SLPI: variants seen among roughly 807,000 people sequenced by gnomAD.
SLPI encodes the protein secretory leukocyte peptidase inhibitor, also known as antileukoproteinase.
Under a neutral mutation model 14.3 loss-of-function variants are expected in SLPI, and 20 were observed. The ratio of observed to expected loss-of-function variants is 1.40; its 90% confidence interval spans 0.99 to 2.04. The LOEUF is 2.04. Among genes scored for constraint, SLPI ranks in the 30% most tolerant of loss-of-function variants. SLPI has a pLI of 0.00. For missense variants in SLPI, 169 were observed against 159.4 expected (o/e 1.06, Z -0.32); for synonymous variants, 68 against 54.8 (o/e 1.24, Z -1.07).
chr20:45,253,567 C>A lies in SLPI; in HGVS notation c.244+8G>T. On this transcript the variant is annotated splice_region_variant and intron_variant, in intron 2 of 3. Coordinates refer to ENST00000338380, the MANE Select transcript of SLPI (RefSeq NM_003064.4). ...ACTCCTCTCTACCCAGTTCCCCGAC[C>A]TGCTTACTTGGGTTTGGGGTGTCAA... 6.2e-7 allele frequency: 1 copy of A among 1,612,452 alleles called. No homozygotes were observed.
chr20:45,252,497 A>G, intron 3 of SLPI, 78 bp from the exon 4 acceptor site: 1 of 1,501,710 alleles, frequency 6.7e-7, no homozygotes, highest in Non-Finnish European at 9.2e-7. Flanking sequence ...CTGCCCAAGG[A>G]TCCTTCTGAG....
In SLPI at chr20:45,253,586, G is replaced by T; in HGVS notation, c.233C>A (p.Thr78Asn). ...CCCGACCTGCTTACTTGGGTTTGGGGTGTCAACAGGATCCAGGCATTTGAT... is the reference window on the plus strand; with the variant it reads ...CCCGACCTGCTTACTTGGGTTTGGGTTGTCAACAGGATCCAGGCATTTGAT... The part of the protein sequence containing the change: ...CGIKCLDPVD[T>N]PNPTRRKPGK... Residue 78 changes from threonine (T) to asparagine (N), a missense_variant, in exon 2 of 4, where the codon ACC (threonine) becomes AAC (asparagine). Physicochemically the swap from Thr to Asn is moderately conservative, Grantham distance 65. Coordinates refer to ENST00000338380, the MANE Select transcript of SLPI (RefSeq NM_003064.4). 2 of 1,613,820 alleles carry T rather than the reference G, an allele frequency of 1.2e-6. No individual in the cohort carries two copies. Among genetic ancestry groups the T allele is most frequent in the Non-Finnish European group, 1.7e-6 (2 of 1,179,830 alleles).
At position 45,253,126 on chromosome 20, in the gene SLPI, T is replaced by G. The variant is rs535099655; in HGVS notation, c.270A>C (p.Pro90=). The G allele has an allele frequency of 6.2e-6, 10 of 1,614,098 alleles. No individual in the cohort carries two copies. The Admixed American group carries it at 8.3e-5, about 13-fold the overall frequency. Reference sequence around the variant, plus strand: ...GCATCAAACATTGGCCATAAGTCACTGGGCACTTCCCAGGCTTCCTCCTTG... The same window carrying G: ...GCATCAAACATTGGCCATAAGTCACGGGGCACTTCCCAGGCTTCCTCCTTG... ...NPTRRKPGKC[P]VTYGQCLMLN... is the part of the protein sequence containing the mutation. The change falls in exon 3 of 4, where the codon CCA becomes CCC. Residue 90 remains proline (P), a synonymous_variant. Coordinates refer to ENST00000338380, the MANE Select transcript of SLPI (RefSeq NM_003064.4).
In SLPI at chr20:45,252,302, G is replaced by T; in HGVS notation, c.*113C>A. The stretch of plus-strand genomic sequence containing the variant: ...AACTGGCACTTCTTGAAAGCCTGCT[G>T]TGTGCCAAGCCTTTCCCCAAAGGAG... On this transcript the variant is annotated 3_prime_UTR_variant, in exon 4 of 4. Coordinates refer to ENST00000338380, the MANE Select transcript of SLPI (RefSeq NM_003064.4). 1.0e-6 allele frequency: 1 copy of T among 964,634 alleles called. No homozygotes were observed. Among genetic ancestry groups the T allele is most frequent in the South Asian group, 1.6e-5 (1 of 63,920 alleles). The allele number at this position is 964,634 out of a possible 1,614,324, so 59.8% of individuals were successfully genotyped here.
At position 45,253,496 on chromosome 20, in the gene SLPI, G is replaced by T. The variant is rs1984726136; in HGVS notation, c.244+79C>A. The stretch of plus-strand genomic sequence containing the variant: ...ACGGATTGACAAGGAGGCCTGGCAG[G>T]ACCCATCACCCAGTTCCATCCCTCT... On this transcript the variant is annotated intron_variant, in intron 2 of 3. Coordinates refer to ENST00000338380, the MANE Select transcript of SLPI (RefSeq NM_003064.4). 4 of 1,370,330 alleles carry T rather than the reference G, an allele frequency of 2.9e-6. No individual in the cohort carries two copies. In the East Asian group the frequency reaches 9.3e-5, roughly 32 times the overall value. The allele number at this position is 1,370,330 out of a possible 1,614,324, so 84.9% of individuals were successfully genotyped here. A position where few individuals can be genotyped will look rare whatever the true frequency, so the allele number is the denominator to read the frequency against.
rs764250120 is a variant in SLPI at position 45,254,527 on chromosome 20, A to G, written c.17T>C (p.Leu6Pro). 1 of 1,614,116 alleles carries G rather than the reference A, an allele frequency of 6.2e-7. No homozygotes were observed. The highest frequency in any genetic ancestry group is 8.5e-7 in the Non-Finnish European group (1 of 1,179,988). The stretch of plus-strand genomic sequence containing the variant: ...GGCAAGCAGCACCAGGAAGGGGAAG[A>G]GGCCGCTGGACTTCATGGTGAAGGC... MKSSG[L>P]FPFLVLLALG... The change falls in exon 1 of 4, where the codon CTC becomes CCC. Residue 6 changes from leucine (L) to proline (P), a missense_variant. Leu to Pro is a moderately conservative substitution (Grantham distance 98). Transcript: ENST00000338380.
rs755500389 is a variant in SLPI at position 45,252,258 on chromosome 20, G to A, written c.*157C>T. 563 of 624,356 alleles carry A rather than the reference G, an allele frequency of 9.0e-4. 1 individual carries two copies. Among genetic ancestry groups the A allele is most frequent in the Middle Eastern group, 1.7e-3 (5 of 2,888 alleles). The allele number at this position is 624,356 out of a possible 1,614,324, so 38.7% of individuals were successfully genotyped here. On this transcript the variant is annotated 3_prime_UTR_variant, in exon 4 of 4. Transcript: ENST00000338380. ...AGGATGTGCAAAGAGAAATAGGCTC[G>A]TTTATTTATTCATTGATCAACTGGC... is the stretch of plus-strand genomic sequence containing the variant.
At position 45,252,344 on chromosome 20, in the gene SLPI, CCAAGTCT is replaced by C; in HGVS notation, c.*64_*70del. 6.6e-7 allele frequency: 1 copy of C among 1,524,276 alleles called. No individual in the cohort carries two copies. The highest frequency in any genetic ancestry group is 9.0e-7 in the Non-Finnish European group (1 of 1,107,844). The allele number at this position is 1,524,276 out of a possible 1,614,324, so 94.4% of individuals were successfully genotyped here. On this transcript the variant is annotated 3_prime_UTR_variant, in exon 4 of 4. Coordinates refer to ENST00000338380, the MANE Select transcript of SLPI (RefSeq NM_003064.4). ...CCAAAGGAGGATATCAGTGGTGGAG[CCAAGTCT>C]CAGGGTGGAAAGGACCTGGACCACA...
chr20:45,254,209 GA>G, intron 1 of SLPI, among the ~76,000 whole-genome samples: 1 of 151,334 alleles, frequency 6.6e-6, no homozygotes. Flanking sequence ...GAGAGAGAGA[GA>G]GAGAGAGAGA....
Position 45,253,168 on chromosome 20 carries a change from C to CTA in SLPI, c.245-19_245-18dup. 1 of 1,612,494 alleles carries CTA rather than the reference C, an allele frequency of 6.2e-7. No individual in the cohort carries two copies. The highest frequency in any genetic ancestry group is 8.5e-7 in the Non-Finnish European group (1 of 1,179,158). ...TCCTCCTTGCTGGGTGAGAGTGAGG[C>CTA]TACCGGTCAGAGGCCTTGTACTTTA... On this transcript the variant is annotated splice_polypyrimidine_tract_variant and intron_variant, in intron 2 of 3. Transcript: ENST00000338380.
Position 45,253,667 on chromosome 20 carries a change from C to T in SLPI, c.152G>A (p.Cys51Tyr). ...AQCLRYKKPE[C>Y]QSDWQCPGKK... ...CCCTGGACACTGCCAGTCACTCTGG[C>T]ACTCAGGTTTCTTGTATCTAAGGCA... The change falls in exon 2 of 4, where the codon TGC (cysteine) becomes TAC (tyrosine). Residue 51 changes from cysteine to tyrosine, a missense_variant. By Grantham distance (194) the Cys-to-Tyr change is radical. Transcript: ENST00000338380. 1.2e-6 allele frequency: 2 copies of T among 1,614,142 alleles called. No individual in the cohort carries two copies. Among genetic ancestry groups the T allele is most frequent in the South Asian group, 1.1e-5 (1 of 91,086 alleles).
intron 1 of SLPI, among the ~76,000 whole-genome samples, 188 bp from the exon 2 acceptor site, chr20:45,253,921 AGGGGAC>A (rs1283485716): frequency 6.6e-6 from 1 of 152,164 alleles, no homozygotes; most frequent in East Asian, 1.9e-4. Flanking sequence ...ACAAATGGAC[AGGGGAC>A]GTTTCACACC....
Position 45,253,089 on chromosome 20 carries a change from TG to T in SLPI, c.306del (p.Asn103IlefsTer13), listed in dbSNP as rs745834619. On this transcript the variant is annotated frameshift_variant, in exon 3 of 4. Coordinates refer to ENST00000338380, the MANE Select transcript of SLPI (RefSeq NM_003064.4). LOFTEE classifies it high-confidence loss of function. ...CACTGGCCATCCATCTCACAGAAATTGGGGGGGTTAAGCATCAAACATTGGC... is the reference window on the plus strand; with the variant it reads ...CACTGGCCATCCATCTCACAGAAATTGGGGGGTTAAGCATCAAACATTGGC... The part of the protein sequence containing the change: ...TYGQCLMLNP[P>X]NFCEMDGQCK... 6.2e-6 allele frequency: 10 copies of T among 1,613,918 alleles called. No individual in the cohort carries two copies. Among genetic ancestry groups the T allele is most frequent in the Middle Eastern group, 1.6e-4 (1 of 6,082 alleles).
Position 45,253,122 on chromosome 20 carries a change from T to A in SLPI, c.274A>T (p.Thr92Ser). The A allele has an allele frequency of 6.2e-7, 1 of 1,614,094 alleles. No individual in the cohort carries two copies. The highest frequency in any genetic ancestry group is 1.1e-5 in the South Asian group (1 of 91,072). The change falls in exon 3 of 4, where the codon ACT (threonine) becomes TCT (serine). Residue 92 changes from threonine (T) to serine (S), a missense_variant. Physicochemically the swap from Thr to Ser is moderately conservative, Grantham distance 58 (BLOSUM62 1). Coordinates refer to ENST00000338380, the MANE Select transcript of SLPI (RefSeq NM_003064.4). ...TTAAGCATCAAACATTGGCCATAAGTCACTGGGCACTTCCCAGGCTTCCTC... is the reference window on the plus strand; with the variant it reads ...TTAAGCATCAAACATTGGCCATAAGACACTGGGCACTTCCCAGGCTTCCTC... ...TRRKPGKCPV[T>S]YGQCLMLNPP...
rs543914368 is a variant in SLPI, at chr20:45,253,846, C to T, written c.86-113G>A. ...GAGAGACCCTTACCTCAGTAGCTGT[C>T]CACAAAGCCCAAAGGGTCATGCCTG... On this transcript the variant is annotated intron_variant, in intron 1 of 3. Coordinates refer to ENST00000338380, the MANE Select transcript of SLPI (RefSeq NM_003064.4). 8 of 900,356 alleles carry T rather than the reference C, an allele frequency of 8.9e-6. No individual in the cohort carries two copies. In the South Asian group the frequency reaches 1.2e-4, roughly 13 times the overall value. The allele number at this position is 900,356 out of a possible 1,614,324, so 55.8% of individuals were successfully genotyped here. A position where few individuals can be genotyped will look rare whatever the true frequency, so the allele number is the denominator to read the frequency against.
intron 3 of SLPI, 86 bp from the exon 4 acceptor site, chr20:45,252,505 G>T: frequency 7.0e-7 from 1 of 1,431,078 alleles, no homozygotes; most frequent in Non-Finnish European, 9.8e-7. Flanking sequence ...GGATCCTTCT[G>T]AGATAGAGAA....
chr20:45,253,483 G>T, intron 2 of SLPI, 92 bp downstream of exon 2: 1 of 1,235,104 alleles, frequency 8.1e-7, no homozygotes, highest in Non-Finnish European at 1.1e-6. Flanking sequence ...GGATTGACAA[G>T]GAGGCCTGGC....
At position 45,253,138 on chromosome 20, in the gene SLPI, A is replaced by AG; in HGVS notation, c.257dup (p.Gly87TrpfsTer14). 1 of 1,613,914 alleles carries AG rather than the reference A, an allele frequency of 6.2e-7. No individual in the cohort carries two copies. The highest frequency in any genetic ancestry group is 1.1e-5 in the South Asian group (1 of 91,060). On this transcript the variant is annotated frameshift_variant, in exon 3 of 4. Coordinates refer to ENST00000338380, the MANE Select transcript of SLPI (RefSeq NM_003064.4). LOFTEE classifies it high-confidence loss of function. ...GGCCATAAGTCACTGGGCACTTCCC[A>AG]GGCTTCCTCCTTGCTGGGTGAGAGT...
rs187024490 is a variant in SLPI at position 45,252,378 on chromosome 20, A to G, written c.*37T>C. On this transcript the variant is annotated 3_prime_UTR_variant, in exon 4 of 4. Coordinates refer to ENST00000338380, the MANE Select transcript of SLPI (RefSeq NM_003064.4). ...AGGGTGGAAAGGACCTGGACCACACAGAGCAGGACTCCAGAGCCTCCTCCA... is the reference window on the plus strand; with the variant it reads ...AGGGTGGAAAGGACCTGGACCACACGGAGCAGGACTCCAGAGCCTCCTCCA... 85 of 1,611,856 alleles carry G rather than the reference A, an allele frequency of 5.3e-5. No homozygotes were observed. Among genetic ancestry groups the G allele is most frequent in the East Asian group, 4.9e-4 (22 of 44,820 alleles).
Sources: allele counts gnomAD v4.1 joint callset (sites outside exome capture counted in the v4.1 genomes callset), GRCh38; gene constraint gnomAD v4.1.1; transcripts MANE v1.5; gene names NCBI Gene and HGNC (gene_info 2026-07-23, HGNC 2026-07-21).